ROBO2: variants seen among roughly 807,000 people sequenced by gnomAD.
ROBO2 encodes roundabout homolog 2.
In ROBO2, 53 loss-of-function variants were observed where a neutral mutation model predicts 160.8. The ratio of observed to expected loss-of-function variants is 0.33; its 90% CI spans 0.26 to 0.41. The LOEUF (loss-of-function observed/expected upper bound fraction) is 0.41. Among genes scored for constraint, ROBO2 ranks in the 10% least tolerant of loss-of-function variants. The probability of loss-of-function intolerance (pLI) is 1.00; values close to 1 mark genes in which losing one functional copy is unlikely to be tolerated. For missense variants in ROBO2, 1,577 were observed against 1,722.4 expected (o/e 0.92, Z 1.49); for synonymous variants, 664 against 611.7 (o/e 1.09, Z -1.26).
intron 2 of ROBO2, among the ~76,000 whole-genome samples, chr3:77,475,370 C>G (rs1387575437): frequency 6.6e-6 from 1 of 151,916 alleles, no homozygotes; most frequent in Non-Finnish European, 1.5e-5. Context: ...AGTACCAGTC[C>G]TTATAGTTTG....
chr3:77,611,133 C>T (rs1279020505), intron 21 of ROBO2, among the ~76,000 whole-genome samples: 1 of 152,030 alleles, frequency 6.6e-6, no homozygotes, highest in Non-Finnish European at 1.5e-5. Flanking sequence ...CCCGTCTCTA[C>T]TAAAAATACA....
intron 2 of ROBO2, among the ~76,000 whole-genome samples, chr3:76,933,145 G>C (rs947844491): frequency 1.1e-4 from 16 of 152,128 alleles, no homozygotes; most frequent in Non-Finnish European, 1.8e-4. Context: ...TAACCAGCAA[G>C]TATGTTATAA....
chr3:77,174,977 C>T (rs562517537), intron 2 of ROBO2, among the ~76,000 whole-genome samples: 21 of 152,080 alleles, frequency 1.4e-4, no homozygotes, highest in African/African-American at 4.8e-4. Context: ...TGTCACCATA[C>T]GGTTTTTGTT....
intron 2 of ROBO2, among the ~76,000 whole-genome samples, chr3:77,187,363 T>C (rs1252146558): frequency 1.3e-5 from 2 of 152,088 alleles, no homozygotes; most frequent in Non-Finnish European, 2.9e-5. Flanking sequence ...TTCTGATTGG[T>C]ATCCCAAAGG....
chr3:76,417,194 G>T (rs966985597), intron 2 of ROBO2, among the ~76,000 whole-genome samples: 1 of 152,168 alleles, frequency 6.6e-6, no homozygotes, highest in East Asian at 1.9e-4. Context: ...CATGCTATAA[G>T]ATATTGCCAT....
At chr3:77,578,873 C>CT (rs905368734) in intron 15 of ROBO2, among the ~76,000 whole-genome samples, 5 of 151,642 alleles carry the variant, frequency 3.3e-5, no homozygotes, top group Non-Finnish European at 5.9e-5. Flanking sequence ...AATATTGTTA[C>CT]TTTTTTTTAC....
chr3:77,369,241 G>A (rs1417014566), intron 2 of ROBO2, among the ~76,000 whole-genome samples: 1 of 152,116 alleles, frequency 6.6e-6, no homozygotes, highest in Non-Finnish European at 1.5e-5. Context: ...CCTGAAAGTT[G>A]TTCAAGTGAG....
intron 2 of ROBO2, among the ~76,000 whole-genome samples, chr3:76,217,972 G>A (rs1347775710): frequency 8.5e-5 from 13 of 152,186 alleles, no homozygotes; most frequent in African/African-American, 3.1e-4. Context: ...CCATGATCAA[G>A]TGGGCTTCAT....
intron 2 of ROBO2, among the ~76,000 whole-genome samples, chr3:76,120,051 C>T (rs550918449): frequency 4.6e-5 from 7 of 151,738 alleles, no homozygotes; most frequent in South Asian, 4.2e-4. Flanking sequence ...GCCTGGAGTG[C>T]GGTGGTATGA....
chr3:77,529,018 T>G (rs1011481531), intron 6 of ROBO2, among the ~76,000 whole-genome samples: 1 of 151,548 alleles, frequency 6.6e-6, no homozygotes, highest in East Asian at 1.9e-4. Flanking sequence ...AAAGAGCTGA[T>G]GGTAGAATAC....
intron 2 of ROBO2, among the ~76,000 whole-genome samples, chr3:76,918,277 C>G (rs2076449012): frequency 6.6e-6 from 1 of 152,094 alleles, no homozygotes; most frequent in African/African-American, 2.4e-5. Flanking sequence ...CTCGTGAGAT[C>G]TGATGGTTTT....
At chr3:76,175,897 T>C (rs765837966) in intron 2 of ROBO2, among the ~76,000 whole-genome samples, 2 of 152,166 alleles carry the variant, frequency 1.3e-5, no homozygotes, top group South Asian at 4.1e-4. Flanking sequence ...CTATGTAGTT[T>C]TTCTTTCCAC....
At chr3:76,208,083 G>A (rs1516458) in intron 2 of ROBO2, among the ~76,000 whole-genome samples, 145,625 of 152,236 alleles carry the variant, frequency 0.96, 70,003 homozygotes, top group East Asian at 1. Context: ...GCCTTCTGCC[G>A]TGGCTGTAAG....
intron 2 of ROBO2, among the ~76,000 whole-genome samples, chr3:76,287,832 T>C (rs1338881613): frequency 2.0e-5 from 3 of 152,238 alleles, no homozygotes; most frequent in African/African-American, 4.8e-5. Context: ...TAGAAAACTG[T>C]CTGACTCATA....
chr3:77,529,928 A>AT (rs896746990), intron 6 of ROBO2, among the ~76,000 whole-genome samples: 12 of 151,890 alleles, frequency 7.9e-5, no homozygotes, highest in African/African-American at 2.4e-4. Context: ...AATTAGCCTC[A>AT]TTTTTTTTGT....
At chr3:76,855,762 T>C (rs2148575413) in intron 2 of ROBO2, among the ~76,000 whole-genome samples, 1 of 152,338 alleles carries the variant, frequency 6.6e-6, no homozygotes, top group East Asian at 1.9e-4. Flanking sequence ...TGTTTCTTAA[T>C]TCATAATGCA....
chr3:76,917,112 G>C (rs1387194928), intron 2 of ROBO2, among the ~76,000 whole-genome samples: 1 of 152,222 alleles, frequency 6.6e-6, no homozygotes, highest in Non-Finnish European at 1.5e-5. Context: ...CATGGACAGG[G>C]TGGTATCCGT....
chr3:76,614,951 G>A (rs961587372), intron 2 of ROBO2, among the ~76,000 whole-genome samples: 1 of 151,952 alleles, frequency 6.6e-6, no homozygotes, highest in African/African-American at 2.4e-5. Context: ...CACCAGAGCT[G>A]GTATTTTTCA....
intron 2 of ROBO2, among the ~76,000 whole-genome samples, chr3:77,469,653 C>A (rs977704840): frequency 3.9e-5 from 6 of 152,058 alleles, no homozygotes; most frequent in African/African-American, 9.7e-5. Flanking sequence ...TGATTTCTGA[C>A]CTTCTTGAAC....
Sources: allele counts gnomAD v4.1 joint callset (sites outside exome capture counted in the v4.1 genomes callset), GRCh38; gene constraint gnomAD v4.1.1; transcripts MANE v1.5; gene names NCBI Gene and HGNC (gene_info 2026-07-23, HGNC 2026-07-21).